TTLL9: variants seen among roughly 807,000 people sequenced by gnomAD.
TTLL9 encodes tubulin tyrosine ligase like 9.
In TTLL9, 47 loss-of-function variants were observed where a neutral mutation model predicts 65.6. The ratio of observed to expected loss-of-function variants is 0.72; its 90% CI spans 0.57 to 0.91. TTLL9 has a LOEUF of 0.91. TTLL9 is among the 40% of genes least tolerant of loss of function. The probability of loss-of-function intolerance (pLI) is 0.00; values close to 1 mark genes in which losing one functional copy is unlikely to be tolerated. For synonymous variants in TTLL9, 179 were observed against 204.8 expected, an observed-to-expected ratio of 0.87 and a Z score of 1.07; for missense variants, 537 against 568.8, an observed-to-expected ratio of 0.94 and a Z score of 0.57.
Position 31,919,870 on chromosome 20 carries a change from C to G in TTLL9, c.511C>G (p.Arg171Gly). 1 of 1,589,484 alleles carries G rather than the reference C, an allele frequency of 6.3e-7. No individual in the cohort carries two copies. Among genetic ancestry groups the G allele is most frequent in the Non-Finnish European group, 8.6e-7 (1 of 1,168,522 alleles). The change falls in exon 7 of 15, where the codon CGG becomes GGG. Residue 171 changes from arginine (R) to glycine (G), a missense_variant. This residue lies in a region of TTLL9 where 320 missense variants were observed against 311.0 expected (regional missense o/e 1.03). Transcript: ENST00000535842. Reference protein sequence around the residue: ...GITWIMKPVARSQGKGIFLFR... With the variant: ...GITWIMKPVAGSQGKGIFLFR... ...TGCCCCCATCCCACCCCAGGTAGCC[C>G]GGTCTCAAGGGAAAGGCATCTTCCT...
intron 3 of TTLL9, among the ~76,000 whole-genome samples, chr20:31,897,519 T>C (rs2063404546): frequency 6.6e-6 from 1 of 152,236 alleles, no homozygotes; most frequent in South Asian, 2.1e-4. Flanking sequence ...TTTGATTTTA[T>C]TGATTTCCAG....
At chr20:31,883,623 T>C (rs931103604) in intron 2 of TTLL9, among the ~76,000 whole-genome samples, 3 of 152,182 alleles carry the variant, frequency 2.0e-5, no homozygotes. Flanking sequence ...GTCAAACATC[T>C]TTGACTCCTA....
rs976369387 is a variant in TTLL9, at chr20:31,943,389, C to T, written c.*368C>T. 14 of 337,148 alleles carry T rather than the reference C, an allele frequency of 4.2e-5. No homozygotes were observed. The highest frequency in any genetic ancestry group is 1.1e-4 in the South Asian group (4 of 35,874). 20.9% of individuals were successfully genotyped at this position (337,148 alleles called of 1,614,324 possible). A position where few individuals can be genotyped will look rare whatever the true frequency, so the allele number is the denominator to read the frequency against. On this transcript the variant is annotated 3_prime_UTR_variant, in exon 15 of 15. Coordinates refer to ENST00000535842, the MANE Select transcript of TTLL9 (RefSeq NM_001008409.5). Reference sequence around the variant, plus strand: ...AGTCACTGGGCACCAGGCCTGGTTCCGGGGATACTGTTGGCTGCAGCCAAG... The same window carrying T: ...AGTCACTGGGCACCAGGCCTGGTTCTGGGGATACTGTTGGCTGCAGCCAAG...
At chr20:31,922,663 G>A (rs997301642) in intron 7 of TTLL9, among the ~76,000 whole-genome samples, 2 of 152,130 alleles carry the variant, frequency 1.3e-5, no homozygotes, top group African/African-American at 4.8e-5. Context: ...GGCGTCTTGC[G>A]GCCAGTGACT....
rs372921246 is a variant in TTLL9, at chr20:31,919,876, C to G, written c.517C>G (p.Gln173Glu). Reference protein sequence around the residue: ...TWIMKPVARSQGKGIFLFRRL... With the variant: ...TWIMKPVARSEGKGIFLFRRL... ...CATCCCACCCCAGGTAGCCCGGTCT[C>G]AAGGGAAAGGCATCTTCCTCTTCCG... Residue 173 changes from glutamine (Q) to glutamate (E), a missense_variant, in exon 7 of 15, where the codon CAA becomes GAA. Gln to Glu is a conservative substitution (Grantham distance 29). This residue lies in a region of TTLL9 where 320 missense variants were observed against 311.0 expected (regional missense o/e 1.03). Coordinates refer to ENST00000535842, the MANE Select transcript of TTLL9 (RefSeq NM_001008409.5). 2.1e-5 allele frequency: 34 copies of G among 1,592,030 alleles called. No individual in the cohort carries two copies. The highest frequency in any genetic ancestry group is 2.7e-5 in the African/African-American group (2 of 73,530).
At chr20:31,884,859 C>T (rs1227741892) in intron 2 of TTLL9, among the ~76,000 whole-genome samples, 3 of 152,186 alleles carry the variant, frequency 2.0e-5, no homozygotes, top group Admixed American at 6.5e-5. Flanking sequence ...ATCCCCCTTG[C>T]GTTCTAGGGA....
intron 2 of TTLL9, chr20:31,872,923 C>G (rs956937819): frequency 1.0e-5 from 5 of 479,940 alleles, no homozygotes; most frequent in African/African-American, 9.8e-5. Flanking sequence ...TCTCTTCTGT[C>G]GGATAAAAAT....
intron 6 of TTLL9, 32 bp downstream of exon 6, chr20:31,909,954 G>T: frequency 1.3e-6 from 2 of 1,530,844 alleles, no homozygotes; most frequent in South Asian, 2.3e-5. Context: ...CTGGGTGGGA[G>T]GGAATGAGTC....
chr20:31,929,068 C>T (rs934577358), intron 10 of TTLL9, among the ~76,000 whole-genome samples: 13 of 152,150 alleles, frequency 8.5e-5, no homozygotes, highest in Admixed American at 2.0e-4. Context: ...AATGAGTTCT[C>T]GCTATGTTGC....
At chr20:31,911,044 G>A (rs1304149852) in intron 6 of TTLL9, among the ~76,000 whole-genome samples, 3 of 152,104 alleles carry the variant, frequency 2.0e-5, no homozygotes, top group Non-Finnish European at 4.4e-5. Flanking sequence ...GCATGATGGT[G>A]GGTGCCTGTA....
At chr20:31,938,933 G>A (rs1293983184) in intron 13 of TTLL9, among the ~76,000 whole-genome samples, 1 of 152,128 alleles carries the variant, frequency 6.6e-6, no homozygotes, top group Non-Finnish European at 1.5e-5. Flanking sequence ...GTTACCAAGA[G>A]CAAGTAGGAG....
chr20:31,930,297 C>T (rs111791035), intron 10 of TTLL9, among the ~76,000 whole-genome samples: 20 of 152,072 alleles, frequency 1.3e-4, no homozygotes, highest in African/African-American at 4.8e-4. Context: ...TGCAAATATT[C>T]TGTGAGTTTT....
chr20:31,889,433 T>A (rs976720388), intron 3 of TTLL9, among the ~76,000 whole-genome samples: 1 of 145,914 alleles, frequency 6.9e-6, no homozygotes, highest in Non-Finnish European at 1.6e-5. Flanking sequence ...GCTAATTTTT[T>A]TTTTTTTTTT....
At chr20:31,911,659 G>C in intron 6 of TTLL9, among the ~76,000 whole-genome samples, 1 of 152,206 alleles carries the variant, frequency 6.6e-6, no homozygotes, top group East Asian at 1.9e-4. Context: ...CACCAGGGCG[G>C]ATTCCAGCTC....
intron 3 of TTLL9, among the ~76,000 whole-genome samples, chr20:31,892,772 A>G (rs571206012): frequency 1.3e-5 from 2 of 152,300 alleles, no homozygotes; most frequent in South Asian, 4.1e-4. Context: ...GGATTACAAT[A>G]TGCATCCTTA....
intron 3 of TTLL9, among the ~76,000 whole-genome samples, chr20:31,887,621 G>C (rs2063211961): frequency 6.6e-6 from 1 of 152,132 alleles, no homozygotes; most frequent in Non-Finnish European, 1.5e-5. Flanking sequence ...ACAACCCTGT[G>C]ATGACTTGAT....
chr20:31,906,102 C>T (rs1010441068), intron 4 of TTLL9, among the ~76,000 whole-genome samples: 4 of 150,328 alleles, frequency 2.7e-5, no homozygotes, highest in Non-Finnish European at 5.9e-5. Flanking sequence ...CAAGGCCCAA[C>T]TGCTTGGCCA....
At chr20:31,898,609 A>G (rs747071757) in intron 4 of TTLL9, 44 bp downstream of exon 4, 1 of 1,566,242 alleles carries the variant, frequency 6.4e-7, no homozygotes, top group Admixed American at 1.7e-5. Context: ...CCTTTGTCTC[A>G]CAGGTCCTTG....
At chr20:31,916,898 G>A (rs1600587671) in intron 6 of TTLL9, among the ~76,000 whole-genome samples, 1 of 152,194 alleles carries the variant, frequency 6.6e-6, no homozygotes, top group South Asian at 2.1e-4. Context: ...AACTGGTCAT[G>A]TGGTTTCCAC....
Sources: allele counts gnomAD v4.1 joint callset (sites outside exome capture counted in the v4.1 genomes callset), GRCh38; gene constraint gnomAD v4.1.1; regional missense constraint gnomAD v4.1.1; transcripts MANE v1.5; gene names NCBI Gene and HGNC (gene_info 2026-07-23, HGNC 2026-07-21).